CRYBG3: variants seen among roughly 807,000 people sequenced by gnomAD.
CRYBG3 encodes the protein very large A-kinase anchor protein.
A neutral mutation model predicts 244.2 loss-of-function variants in CRYBG3; 127 were observed. The observed-to-expected ratio is 0.52, with a 90% confidence interval of 0.45 to 0.60. The LOEUF (loss-of-function observed/expected upper bound fraction) is 0.60. Among genes scored for constraint, CRYBG3 ranks in the 20% least tolerant of loss-of-function variants. The probability of loss-of-function intolerance (pLI) is 0.00; values close to 1 mark genes in which losing one functional copy is unlikely to be tolerated. For synonymous variants in CRYBG3, 1,132 were observed against 1,195.8 expected (o/e 0.95, Z 1.10); for missense variants, 3,325 against 3,442.5 (o/e 0.97, Z 0.85).
Position 97,899,220 on chromosome 3 carries a change from G to A in CRYBG3, c.7928G>A (p.Gly2643Glu). The A allele has an allele frequency of 1.2e-6, 2 of 1,613,620 alleles. No homozygotes were observed. The highest frequency in any genetic ancestry group is 1.7e-6 in the Non-Finnish European group (2 of 1,179,808). Reference protein sequence around the residue: ...KGKYKCFFDWGGSNNIIMSIR... With the variant: ...KGKYKCFFDWEGSNNIIMSIR... ...AAATACAAATGCTTTTTTGACTGGG[G>A]AGGATCAAATAATATAATCATGTCG... The change falls in exon 14 of 22, where the codon GGA (glycine) becomes GAA (glutamate). Residue 2643 changes from glycine (G) to glutamate (E), a missense_variant. Gly to Glu is a moderately conservative substitution (Grantham distance 98, BLOSUM62 -2). Transcript: ENST00000389622.
At position 97,874,691 on chromosome 3, in the gene CRYBG3, G is replaced by C. The variant is rs1217560958; in HGVS notation, c.3497G>C (p.Ser1166Thr). 3 of 1,535,820 alleles carry C rather than the reference G, an allele frequency of 2.0e-6. No homozygotes were observed. Among genetic ancestry groups the C allele is most frequent in the Non-Finnish European group, 2.6e-6 (3 of 1,146,754 alleles). Reference sequence around the variant, plus strand: ...GCTGGGCCTGCAGCGTCAGTTAACAGCTCAGGCCAACAGTGTTCTGAAGCC... The same window carrying C: ...GCTGGGCCTGCAGCGTCAGTTAACACCTCAGGCCAACAGTGTTCTGAAGCC... ...AVAGPAASVN[S>T]SGQQCSEASA... The change falls in exon 4 of 22, where the codon AGC becomes ACC. Residue 1166 changes from serine to threonine, a missense_variant. By Grantham distance (58) the Ser-to-Thr change is moderately conservative (BLOSUM62 1). This residue lies in a region of CRYBG3 where 1,526 missense variants were observed against 1,443.2 expected (regional missense o/e 1.06). Coordinates refer to ENST00000389622, the MANE Select transcript of CRYBG3 (RefSeq NM_153605.4).
Position 97,912,267 on chromosome 3 carries a change from T to C in CRYBG3, c.8105T>C (p.Leu2702Pro). ...TSLMPCSFKV[L>P]RGCWLLYYQE... is the part of the protein sequence containing the mutation. ...CTCATGCCATGTTCTTTTAAAGTTC[T>C]TCGAGGTTGGTAAGTATGCTTACTT... is the stretch of plus-strand genomic sequence containing the variant. Residue 2702 changes from leucine (L) to proline (P), a missense_variant, in exon 16 of 22, where the codon CTT (leucine) becomes CCT (proline). Physicochemically the swap from Leu to Pro is moderately conservative, Grantham distance 98 (BLOSUM62 -3). Transcript: ENST00000389622. 6.3e-7 allele frequency: 1 copy of C among 1,584,734 alleles called. No homozygotes were observed. The highest frequency in any genetic ancestry group is 1.1e-5 in the South Asian group (1 of 87,946).
intron 1 of CRYBG3, among the ~76,000 whole-genome samples, chr3:97,835,255 G>A (rs190271330): frequency 2.6e-5 from 4 of 152,154 alleles, no homozygotes; most frequent in African/African-American, 9.6e-5. Flanking sequence ...AATGGGGAGG[G>A]CAGAAAATAT....
intron 7 of CRYBG3, among the ~76,000 whole-genome samples, chr3:97,882,613 ATG>A (rs529980210): frequency 3.1e-4 from 47 of 152,324 alleles, no homozygotes; most frequent in African/African-American, 1.1e-3. Flanking sequence ...CCTTCATAAT[ATG>A]TGATACAGTA....
At chr3:97,833,516 A>G (rs1045598069) in intron 1 of CRYBG3, among the ~76,000 whole-genome samples, 1 of 152,140 alleles carries the variant, frequency 6.6e-6, no homozygotes, top group Non-Finnish European at 1.5e-5. Flanking sequence ...GAACAATGAG[A>G]ACACATGGAC....
At chr3:97,827,657 A>G (rs553073270) in intron 1 of CRYBG3, among the ~76,000 whole-genome samples, 1 of 152,300 alleles carries the variant, frequency 6.6e-6, no homozygotes, top group East Asian at 1.9e-4. Flanking sequence ...GGTACCCTTA[A>G]TACCCTTTAT....
chr3:97,855,462 G>A (rs1033871001), intron 2 of CRYBG3, among the ~76,000 whole-genome samples: 1 of 152,056 alleles, frequency 6.6e-6, no homozygotes, highest in African/African-American at 2.4e-5. Flanking sequence ...AGGCTGTGTA[G>A]TCTTGGGCTT....
intron 2 of CRYBG3, among the ~76,000 whole-genome samples, chr3:97,860,307 C>G (rs1329806917): frequency 6.6e-6 from 1 of 152,098 alleles, no homozygotes; most frequent in Non-Finnish European, 1.5e-5. Flanking sequence ...AAATCGTTGG[C>G]CTTGTGGATG....
At chr3:97,924,397 A>G (rs2040017126) in intron 17 of CRYBG3, 1 of 454,658 alleles carries the variant, frequency 2.2e-6, no homozygotes, top group Non-Finnish European at 4.4e-6. Context: ...AAAAGCACAA[A>G]TGAATAAGAA....
At chr3:97,914,775 A>T (rs2039909224) in intron 16 of CRYBG3, among the ~76,000 whole-genome samples, 1 of 152,194 alleles carries the variant, frequency 6.6e-6, no homozygotes. Context: ...ATGACAGTAA[A>T]TTATAATGTC....
chr3:97,829,483 T>A (rs2038625179), intron 1 of CRYBG3, among the ~76,000 whole-genome samples: 1 of 152,146 alleles, frequency 6.6e-6, no homozygotes, highest in Admixed American at 6.5e-5. Flanking sequence ...AGGGAGTTGG[T>A]TTTCATCTCT....
Position 97,944,123 on chromosome 3 carries a change from T to C in CRYBG3, c.*809T>C, listed in dbSNP as rs2107120465. 1 of 151,874 alleles carries C rather than the reference T, an allele frequency of 6.6e-6. No homozygotes were observed. The highest frequency in any genetic ancestry group is 1.5e-5 in the Non-Finnish European group (1 of 67,816). 9.4% of individuals were successfully genotyped at this position (151,874 alleles called of 1,614,324 possible). ...GAGAGGCATCAATTTTTTTTTTTTT[T>C]TGCCTCAAGAGAAATTTCAAATATC... On this transcript the variant is annotated 3_prime_UTR_variant, in exon 22 of 22. Transcript: ENST00000389622.
Position 97,872,381 on chromosome 3 carries a change from C to T in CRYBG3, c.1187C>T (p.Pro396Leu). The change falls in exon 4 of 22, where the codon CCA becomes CTA. Residue 396 changes from proline (P) to leucine (L), a missense_variant. By Grantham distance (98) the Pro-to-Leu change is moderately conservative (BLOSUM62 -3). Around this residue, in one of 4 missense-constraint regions of CRYBG3, gnomAD observed 1,526 missense variants for 1,443.2 expected, o/e 1.06. Coordinates refer to ENST00000389622, the MANE Select transcript of CRYBG3 (RefSeq NM_153605.4). ...GSNHRKVPCS[P>L]DFQRVTTTEN... Reference sequence around the variant, plus strand: ...AACCATCGCAAAGTCCCTTGCAGCCCAGATTTTCAGAGAGTAACTACAACA... The same window carrying T: ...AACCATCGCAAAGTCCCTTGCAGCCTAGATTTTCAGAGAGTAACTACAACA... 1 of 1,535,786 alleles carries T rather than the reference C, an allele frequency of 6.5e-7. No individual in the cohort carries two copies. The highest frequency in any genetic ancestry group is 8.7e-7 in the Non-Finnish European group (1 of 1,146,784).
chr3:97,919,064 G>A (rs1036658577), intron 17 of CRYBG3, among the ~76,000 whole-genome samples: 2 of 152,146 alleles, frequency 1.3e-5, no homozygotes, highest in African/African-American at 4.8e-5. Flanking sequence ...TCATAGAGGT[G>A]TTCTCTGTTA....
chr3:97,900,345 C>A, intron 14 of CRYBG3, 108 bp from the exon 15 acceptor site: 1 of 669,690 alleles, frequency 1.5e-6, no homozygotes, highest in African/African-American at 1.8e-5. Context: ...AATACTCTGT[C>A]TCAAAAAAGA....
intron 1 of CRYBG3, among the ~76,000 whole-genome samples, chr3:97,833,925 A>T (rs550709161): frequency 1.1e-4 from 16 of 152,260 alleles, no homozygotes; most frequent in Admixed American, 9.8e-4. Context: ...TGGAAGGTAC[A>T]GGAATCACTT....
intron 2 of CRYBG3, among the ~76,000 whole-genome samples, chr3:97,847,720 G>T (rs2038924009): frequency 6.6e-6 from 1 of 152,156 alleles, no homozygotes; most frequent in Non-Finnish European, 1.5e-5. Flanking sequence ...CTTGGCATCT[G>T]CCTTATATGA....
chr3:97,879,209 CTG>C (rs1412186255), intron 4 of CRYBG3, among the ~76,000 whole-genome samples: 2 of 152,190 alleles, frequency 1.3e-5, no homozygotes, highest in African/African-American at 4.8e-5. Flanking sequence ...GGTGCACACT[CTG>C]TGTTTCCTAC....
Position 97,867,949 on chromosome 3 carries a change from GA to G in CRYBG3, c.647+3307del, listed in dbSNP as rs1315941983. Reference sequence around the variant, plus strand: ...CTTTTAGGCATTTCTATTTACTAGGGAAAAATTAAAAATTAAAGGACAACTT... The same window carrying G: ...CTTTTAGGCATTTCTATTTACTAGGGAAAATTAAAAATTAAAGGACAACTT... On this transcript the variant is annotated intron_variant, in intron 3 of 21. Transcript: ENST00000389622. 5.9e-5 allele frequency among the ~76,000 whole-genome samples: 9 copies of G among 152,160 alleles called. 1 individual carries two copies. Among genetic ancestry groups the G allele is most frequent in the African/African-American group, 2.2e-4 (9 of 41,526 alleles).
Sources: allele counts gnomAD v4.1 joint callset (sites outside exome capture counted in the v4.1 genomes callset), GRCh38; gene constraint gnomAD v4.1.1; regional missense constraint gnomAD v4.1.1; transcripts MANE v1.5; gene names NCBI Gene and HGNC (gene_info 2026-07-23, HGNC 2026-07-21).